Variants in FHIT observed in about 807,000 individuals in gnomAD.
FHIT encodes fragile histidine triad diadenosine triphosphatase, also known as bis(5'-adenosyl)-triphosphatase.
In FHIT, 19 loss-of-function variants were observed where a neutral mutation model predicts 17.9. The observed-to-expected ratio is 1.06, with a 90% CI of 0.74 to 1.56. The LOEUF (loss-of-function observed/expected upper bound fraction) is 1.56. Ranked by LOEUF, FHIT falls within the 40% of genes most tolerant of loss-of-function variation. The pLI is 0.00. For synonymous variants in FHIT, 81 were observed against 69.7 expected (o/e 1.16, Z -0.81); for missense variants, 248 against 189.2 (o/e 1.31, Z -1.82).
At chr3:60,192,730 T>C (rs1385687798) in intron 5 of FHIT, among the ~76,000 whole-genome samples, 2 of 152,114 alleles carry the variant, frequency 1.3e-5, no homozygotes, top group African/African-American at 4.8e-5. Flanking sequence ...ACACTCTGAG[T>C]CCTAACTTTC....
At chr3:60,124,065 G>GACAGAC (rs1319174518) in intron 5 of FHIT, among the ~76,000 whole-genome samples, 7 of 108,270 alleles carry the variant, frequency 6.5e-5, no homozygotes, top group Admixed American at 5.9e-4. Context: ...GACAGAGAGA[G>GACAGAC]AGAGAGATAC....
intron 5 of FHIT, among the ~76,000 whole-genome samples, chr3:60,090,288 A>G (rs990800573): frequency 1.3e-5 from 2 of 152,130 alleles, no homozygotes; most frequent in Admixed American, 6.5e-5. Flanking sequence ...TTCCTGCAAA[A>G]CTGTCATTCC....
At chr3:60,627,755 C>G (rs1292126750) in intron 4 of FHIT, among the ~76,000 whole-genome samples, 1 of 152,176 alleles carries the variant, frequency 6.6e-6, no homozygotes, top group Non-Finnish European at 1.5e-5. Flanking sequence ...TACTCCTGAC[C>G]ACGTGATCCG....
chr3:59,779,435 C>T (rs530299475), intron 8 of FHIT, among the ~76,000 whole-genome samples: 1 of 152,080 alleles, frequency 6.6e-6, no homozygotes, highest in Non-Finnish European at 1.5e-5. Flanking sequence ...TTCCAGGGAG[C>T]CTTCAATTAG....
chr3:60,251,327 G>T (rs1350963283), intron 5 of FHIT, among the ~76,000 whole-genome samples: 1 of 152,106 alleles, frequency 6.6e-6, no homozygotes, highest in Non-Finnish European at 1.5e-5. Context: ...TAGTACATAG[G>T]GAGTGAGGAA....
chr3:60,208,281 G>A (rs1249849688), intron 5 of FHIT, among the ~76,000 whole-genome samples: 3 of 152,140 alleles, frequency 2.0e-5, no homozygotes, highest in Admixed American at 1.3e-4. Context: ...TATTGAAGAA[G>A]CTTATTAAAA....
At chr3:60,049,470 T>C (rs1478295000) in intron 5 of FHIT, among the ~76,000 whole-genome samples, 2 of 152,190 alleles carry the variant, frequency 1.3e-5, no homozygotes, top group Non-Finnish European at 1.5e-5. Flanking sequence ...CTTTTTTCAG[T>C]TGTACATTTT....
chr3:60,563,717 C>A (rs1283252739), intron 4 of FHIT, among the ~76,000 whole-genome samples: 1 of 152,162 alleles, frequency 6.6e-6, no homozygotes, highest in Non-Finnish European at 1.5e-5. Context: ...TAATCCAGAG[C>A]AAGGTCCTAA....
chr3:60,952,171 C>G (rs1263538291), intron 3 of FHIT, among the ~76,000 whole-genome samples: 2 of 104,546 alleles, frequency 1.9e-5, no homozygotes, highest in African/African-American at 4.1e-5. Flanking sequence ...TCCTCCCCAC[C>G]CCCCCCCCAA....
chr3:60,098,079 T>C (rs1384014370), intron 5 of FHIT, among the ~76,000 whole-genome samples: 2 of 151,392 alleles, frequency 1.3e-5, no homozygotes, highest in Non-Finnish European at 2.9e-5. Context: ...TATTCCATGG[T>C]GTATATGTGC....
intron 5 of FHIT, among the ~76,000 whole-genome samples, chr3:60,097,315 T>C (rs984792857): frequency 2.0e-5 from 3 of 152,196 alleles, no homozygotes; most frequent in South Asian, 4.2e-4. Context: ...TTGACCATGA[T>C]GGGTCTAAAT....
At chr3:60,088,606 T>G (rs1242384254) in intron 5 of FHIT, among the ~76,000 whole-genome samples, 1 of 152,202 alleles carries the variant, frequency 6.6e-6, no homozygotes, top group Non-Finnish European at 1.5e-5. Flanking sequence ...GAACATTCCT[T>G]TTTTTGCATA....
At chr3:60,357,371 G>A (rs1414164772) in intron 5 of FHIT, among the ~76,000 whole-genome samples, 1 of 151,964 alleles carries the variant, frequency 6.6e-6, no homozygotes, top group Non-Finnish European at 1.5e-5. Context: ...CCATTCTTGA[G>A]TAGCTGGGAT....
At chr3:60,432,731 T>C (rs866407734) in intron 5 of FHIT, among the ~76,000 whole-genome samples, 10 of 152,100 alleles carry the variant, frequency 6.6e-5, no homozygotes, top group African/African-American at 9.7e-5. Flanking sequence ...GGGGGAAGCA[T>C]TGGTGACAGG....
intron 8 of FHIT, among the ~76,000 whole-genome samples, chr3:59,908,490 G>A (rs1704689099): frequency 6.6e-6 from 1 of 152,182 alleles, no homozygotes; most frequent in East Asian, 1.9e-4. Flanking sequence ...AATGTAGGAG[G>A]CCAAAGGTCA....
chr3:59,897,031 T>G (rs1704102224), intron 8 of FHIT, among the ~76,000 whole-genome samples: 1 of 152,142 alleles, frequency 6.6e-6, no homozygotes, highest in Non-Finnish European at 1.5e-5. Context: ...GCAGTTCCTC[T>G]TGGTCTGCCT....
chr3:60,394,839 A>C (rs558316406), intron 5 of FHIT, among the ~76,000 whole-genome samples: 7 of 152,308 alleles, frequency 4.6e-5, no homozygotes, highest in Non-Finnish European at 7.4e-5. Flanking sequence ...TAAGTCCAGA[A>C]GGATAGTGGC....
Position 60,416,871 on chromosome 3 carries a change from G to A in FHIT, c.103+119989C>T, listed in dbSNP as rs1424689956. On this transcript the variant is annotated intron_variant, in intron 5 of 9. Coordinates refer to ENST00000492590, the MANE Select transcript of FHIT (RefSeq NM_002012.4). ...GGAGGCCGAGGCGGGAGGATCACGA[G>A]GTCAGGAGAGCGAGACCATCCTGGC... Among the ~76,000 whole-genome samples the A allele has an allele frequency of 4.6e-5, 7 of 152,184 alleles. 1 individual carries two copies. In the South Asian group the frequency reaches 8.3e-4, roughly 18 times the overall value.
intron 3 of FHIT, among the ~76,000 whole-genome samples, chr3:60,986,220 G>A (rs1710714784): frequency 6.6e-6 from 1 of 152,202 alleles, no homozygotes; most frequent in Non-Finnish European, 1.5e-5. Flanking sequence ...CACACCAAGT[G>A]ATGCTGATCC....
Sources: allele counts gnomAD v4.1 joint callset (sites outside exome capture counted in the v4.1 genomes callset), GRCh38; gene constraint gnomAD v4.1.1; transcripts MANE v1.5; gene names NCBI Gene and HGNC (gene_info 2026-07-23, HGNC 2026-07-21).